The following PLXDC2 variants were observed in gnomAD, a reference collection of about 807,000 sequenced individuals.
The protein encoded by PLXDC2 is plexin domain containing 2, also known as plexin domain-containing protein 2.
PLXDC2 carries 40 observed loss-of-function variants against 68.9 expected under a neutral mutation model. The ratio of observed to expected loss-of-function variants is 0.58; its 90% CI spans 0.45 to 0.76. The LOEUF is 0.76. Ranked by LOEUF, PLXDC2 falls within the 30% of genes least tolerant of loss-of-function variation. The pLI, the probability that PLXDC2 is intolerant of heterozygous loss-of-function variation, is 0.00. For synonymous variants in PLXDC2, 243 were observed against 234.2 expected, an observed-to-expected ratio of 1.04 and a Z score of -0.34; for missense variants, 644 against 661.9, an observed-to-expected ratio of 0.97 and a Z score of 0.30.
intron 12 of PLXDC2, 102 bp downstream of exon 12, chr10:20,219,204 A>G: frequency 8.0e-7 from 1 of 1,256,562 alleles, no homozygotes. Flanking sequence ...ATAAAAGGTG[A>G]GGTTGTGTTT....
chr10:20,138,215 T>C (rs1386165030), intron 4 of PLXDC2, among the ~76,000 whole-genome samples: 3 of 152,190 alleles, frequency 2.0e-5, no homozygotes, highest in Non-Finnish European at 4.4e-5. Context: ...CTGAAATTGT[T>C]GCCTTACCTA....
At chr10:20,029,368 A>G (rs1433407411) in intron 2 of PLXDC2, among the ~76,000 whole-genome samples, 1 of 152,178 alleles carries the variant, frequency 6.6e-6, no homozygotes, top group Admixed American at 6.5e-5. Flanking sequence ...CATCATGAAT[A>G]CTTGTTAACT....
chr10:20,260,818 T>C (rs190284025), intron 13 of PLXDC2, among the ~76,000 whole-genome samples: 7 of 152,324 alleles, frequency 4.6e-5, no homozygotes, highest in Middle Eastern at 3.4e-3. Context: ...CCCAACAATG[T>C]ACAAAGGTTC....
intron 4 of PLXDC2, among the ~76,000 whole-genome samples, chr10:20,129,713 T>C (rs748879489): frequency 2.6e-5 from 4 of 152,136 alleles, no homozygotes; most frequent in Admixed American, 6.6e-5. Flanking sequence ...AATGCTCCAA[T>C]TTTATTTTTC....
At chr10:20,248,505 T>C (rs1300045915) in intron 13 of PLXDC2, among the ~76,000 whole-genome samples, 1 of 152,192 alleles carries the variant, frequency 6.6e-6, no homozygotes, top group Non-Finnish European at 1.5e-5. Flanking sequence ...CACATGTAAG[T>C]GAAGCAGATT....
At chr10:20,001,299 A>T (rs1834933558) in intron 1 of PLXDC2, among the ~76,000 whole-genome samples, 1 of 152,232 alleles carries the variant, frequency 6.6e-6, no homozygotes, top group African/African-American at 2.4e-5. Flanking sequence ...GTTCCTATAC[A>T]CTGGTGTCTC....
At position 20,072,544 on chromosome 10, in the gene PLXDC2, A is replaced by AAAGAAAGAAAGAAAGAAAGAAAGAAAG. The variant is rs1554764553; in HGVS notation, c.541+4315_541+4316insGAAAGAAAGAAAGAAAGAAGAAAGAAA. Among the ~76,000 whole-genome samples, 508 of 118,112 alleles carry AAAGAAAGAAAGAAAGAAAGAAAGAAAG rather than the reference A, an allele frequency of 4.3e-3. 11 individuals are homozygous for AAAGAAAGAAAGAAAGAAAGAAAGAAAG. Among genetic ancestry groups the AAAGAAAGAAAGAAAGAAAGAAAGAAAG allele is most frequent in the South Asian group, 8.9e-3 (31 of 3,476 alleles). The allele number at this position is 118,112 out of a possible 152,430, so 77.5% of individuals were successfully genotyped here. On this transcript the variant is annotated intron_variant, in intron 4 of 13. Coordinates refer to ENST00000377252, the MANE Select transcript of PLXDC2 (RefSeq NM_032812.9). ...GAAAGAAAGAAAGAAAGAAAGAAAGAAAGAAAGAAAAGGAAAGAAAGGAAG... is the reference window on the plus strand; with the variant it reads ...GAAAGAAAGAAAGAAAGAAAGAAAGAAAGAAAGAAAGAAAGAAAGAAAGAAAGAAGAAAGAAAAGGAAAGAAAGGAAG...
intron 9 of PLXDC2, among the ~76,000 whole-genome samples, chr10:20,184,230 C>T (rs1208832480): frequency 1.3e-5 from 2 of 151,526 alleles, no homozygotes; most frequent in Non-Finnish European, 2.9e-5. Flanking sequence ...ATTGAATGAA[C>T]TTAATTCCTT....
At chr10:20,130,484 ATTTCTTT>A (rs1328146907) in intron 4 of PLXDC2, among the ~76,000 whole-genome samples, 2 of 151,810 alleles carry the variant, frequency 1.3e-5, no homozygotes, top group Non-Finnish European at 2.9e-5. Context: ...TTTGTCTTTT[ATTTCTTT>A]TTTCTTGATT....
chr10:19,949,809 C>T (rs1423952494), intron 1 of PLXDC2, among the ~76,000 whole-genome samples: 1 of 152,120 alleles, frequency 6.6e-6, no homozygotes, highest in Non-Finnish European at 1.5e-5. Flanking sequence ...TGTGTGTGTC[C>T]TGTTGGCCAT....
chr10:19,972,682 G>A (rs1263610297), intron 1 of PLXDC2, among the ~76,000 whole-genome samples: 1 of 152,154 alleles, frequency 6.6e-6, no homozygotes, highest in African/African-American at 2.4e-5. Context: ...TCATGACCAA[G>A]GGAGACTTGA....
intron 12 of PLXDC2, among the ~76,000 whole-genome samples, chr10:20,236,044 C>T (rs751716570): frequency 6.6e-6 from 1 of 152,098 alleles, no homozygotes; most frequent in African/African-American, 2.4e-5. Flanking sequence ...AGTTTATTAA[C>T]CTCTTTGGTT....
intron 12 of PLXDC2, among the ~76,000 whole-genome samples, chr10:20,228,894 G>A (rs115853969): frequency 1.7e-3 from 263 of 152,306 alleles, no homozygotes; most frequent in African/African-American, 5.7e-3. Flanking sequence ...AAGTGACCAT[G>A]AGAGTTGGTG....
chr10:19,867,090 A>C (rs4748618), intron 1 of PLXDC2, among the ~76,000 whole-genome samples: 8,896 of 129,184 alleles, frequency 0.069, 506 homozygotes, highest in East Asian at 0.2. Context: ...TTTTTGACAG[A>C]GTTTCCATCT....
At chr10:20,108,450 TTTTG>T (rs1459462260) in intron 4 of PLXDC2, among the ~76,000 whole-genome samples, 3 of 152,156 alleles carry the variant, frequency 2.0e-5, no homozygotes, top group Non-Finnish European at 4.4e-5. Context: ...TAATAGCATT[TTTTG>T]TTTATTTGTT....
chr10:20,154,803 T>G lies in PLXDC2; in HGVS notation c.783+6901T>G, dbSNP rs140165876. Among the ~76,000 whole-genome samples, 1,223 of 151,998 alleles carry G rather than the reference T, an allele frequency of 8.0e-3. 21 individuals are homozygous for G. Among genetic ancestry groups the G allele is most frequent in the African/African-American group, 0.028 (1,172 of 41,436 alleles). On this transcript the variant is annotated intron_variant, in intron 6 of 13. Transcript: ENST00000377252. Reference sequence around the variant, plus strand: ...ACTCGGGTTCTTTTTTTTCACTAGCTTATGTGAGGAATAAGGATAGTCATT... The same window carrying G: ...ACTCGGGTTCTTTTTTTTCACTAGCGTATGTGAGGAATAAGGATAGTCATT...
intron 4 of PLXDC2, among the ~76,000 whole-genome samples, chr10:20,137,888 C>T (rs566477841): frequency 1.3e-5 from 2 of 152,186 alleles, no homozygotes; most frequent in Admixed American, 1.3e-4. Flanking sequence ...GACATGGTCT[C>T]AGTATGATTG....
intron 1 of PLXDC2, among the ~76,000 whole-genome samples, chr10:19,827,691 G>A (rs1836598999): frequency 6.6e-6 from 1 of 151,634 alleles, no homozygotes; most frequent in Admixed American, 6.6e-5. Context: ...CTCCCAAATA[G>A]CTGCAACTAC....
chr10:19,940,129 T>G (rs1279768697), intron 1 of PLXDC2, among the ~76,000 whole-genome samples: 1 of 151,766 alleles, frequency 6.6e-6, no homozygotes, highest in Admixed American at 6.5e-5. Flanking sequence ...TTGGGCAAAT[T>G]CATGTGCTGG....
Sources: gnomAD v4.1 joint callset for allele counts (sites outside exome capture counted in the v4.1 genomes callset) on GRCh38, gnomAD v4.1.1 for gene constraint, MANE v1.5 for transcripts, NCBI Gene and HGNC (gene_info 2026-07-23, HGNC 2026-07-21) for gene names.